Variants in WDR25 observed in about 807,000 individuals in gnomAD.
WDR25 encodes WD repeat-containing protein 25.
In WDR25, 35 loss-of-function variants were observed where a neutral mutation model predicts 47.7. The observed-to-expected ratio is 0.73, with a 90% confidence interval of 0.56 to 0.97. The LOEUF (loss-of-function observed/expected upper bound fraction) is 0.97. Among genes scored for constraint, WDR25 ranks in the 50% least tolerant of loss-of-function variants. The pLI, the probability that WDR25 is intolerant of heterozygous loss-of-function variation, is 0.00. For missense variants in WDR25, 634 were observed against 704.7 expected (o/e 0.90, Z 1.14); for synonymous variants, 248 against 278.9 (o/e 0.89, Z 1.10).
At chr14:100,436,369 A>T (rs1363304047) in intron 2 of WDR25, among the ~76,000 whole-genome samples, 1 of 152,130 alleles carries the variant, frequency 6.6e-6, no homozygotes, top group Non-Finnish European at 1.5e-5. Context: ...TTGGGAAAGG[A>T]GTTCAGTTTG....
intron 2 of WDR25, among the ~76,000 whole-genome samples, chr14:100,387,014 G>T (rs1010410923): frequency 6.6e-6 from 1 of 151,850 alleles, no homozygotes; most frequent in African/African-American, 2.4e-5. Context: ...TGTACTCCTT[G>T]GCTCCCATGC....
intron 2 of WDR25, among the ~76,000 whole-genome samples, chr14:100,411,501 A>G (rs1474041048): frequency 6.6e-6 from 1 of 150,982 alleles, no homozygotes; most frequent in South Asian, 2.1e-4. Context: ...TGCCACCCTC[A>G]TGGTCTGTTC....
intron 2 of WDR25, among the ~76,000 whole-genome samples, chr14:100,391,223 G>C (rs539088535): frequency 6.6e-6 from 1 of 152,118 alleles, no homozygotes; most frequent in Admixed American, 6.5e-5. Context: ...CCCACCCTGA[G>C]ATCTGATAAA....
At position 100,525,917 on chromosome 14, in the gene WDR25, G is replaced by A. The variant is rs762606507; in HGVS notation, c.1149G>A (p.Leu383=). The change falls in exon 5 of 7, where the codon CTG becomes CTA. Residue 383 remains leucine (L), a synonymous_variant. Coordinates refer to ENST00000402312, the MANE Select transcript of WDR25 (RefSeq NM_001161476.3). This position sits in a 1 kb window ranked among gnomAD's most constrained non-coding sequence, Gnocchi z 4.6. ...CCATCCAGCAGACCTTGGACATCCT[G>A]TTCCTCCGGGAAGGCTCCGAGTTCC... The part of the protein sequence containing the change: ...KATIQQTLDI[L]FLREGSEFLS... 6.2e-7 allele frequency: 1 copy of A among 1,613,968 alleles called. No homozygotes were observed.
At chr14:100,386,777 C>T (rs565555838) in intron 2 of WDR25, among the ~76,000 whole-genome samples, 8 of 152,176 alleles carry the variant, frequency 5.3e-5, no homozygotes, top group African/African-American at 1.2e-4. Context: ...GCTGTAGTCC[C>T]AGCTGCTCGG....
chr14:100,454,357 TA>T, intron 2 of WDR25: 1 of 1,285,994 alleles, frequency 7.8e-7, no homozygotes, highest in Non-Finnish European at 1.0e-6. Flanking sequence ...GGAGTATGTG[TA>T]TGGCAGGTGT....
At chr14:100,479,657 C>A (rs1289702435) in intron 3 of WDR25, among the ~76,000 whole-genome samples, 2 of 152,136 alleles carry the variant, frequency 1.3e-5, no homozygotes, top group South Asian at 2.1e-4. Context: ...ACCCCTAGAA[C>A]AATTCATTTC....
chr14:100,501,054 C>T (rs1005981923), intron 4 of WDR25, among the ~76,000 whole-genome samples: 3 of 152,114 alleles, frequency 2.0e-5, no homozygotes, highest in Non-Finnish European at 2.9e-5. Flanking sequence ...CTGTGTGCAC[C>T]GGGCGACCTG....
chr14:100,395,231 G>A (rs920403794), intron 2 of WDR25, among the ~76,000 whole-genome samples: 13 of 152,100 alleles, frequency 8.5e-5, no homozygotes, highest in Admixed American at 8.5e-4. Context: ...GTCTTATTTC[G>A]GTGTTCAGTC....
At chr14:100,519,513 A>G (rs2140378773) in intron 4 of WDR25, among the ~76,000 whole-genome samples, 1 of 151,632 alleles carries the variant, frequency 6.6e-6, no homozygotes, top group East Asian at 1.9e-4. Flanking sequence ...TGGATCATAT[A>G]TGTATATATG....
chr14:100,388,051 G>A (rs1897057443), intron 2 of WDR25, among the ~76,000 whole-genome samples: 1 of 152,192 alleles, frequency 6.6e-6, no homozygotes, highest in African/African-American at 2.4e-5. Context: ...CAGAGTGAGG[G>A]TTTATTTCAG....
At chr14:100,446,992 T>G (rs1013338873) in intron 2 of WDR25, among the ~76,000 whole-genome samples, 4 of 152,374 alleles carry the variant, frequency 2.6e-5, no homozygotes, top group Non-Finnish European at 5.9e-5. Flanking sequence ...TTCTTAATCC[T>G]TTAGAATCAC....
chr14:100,390,426 T>TGTGTGTGTGCGC (rs1413707045), intron 2 of WDR25, among the ~76,000 whole-genome samples: 12 of 150,596 alleles, frequency 8.0e-5, no homozygotes, highest in Non-Finnish European at 1.3e-4. Flanking sequence ...TGTGTGTGTG[T>TGTGTGTGTGCGC]GCATGCACAC....
intron 4 of WDR25, among the ~76,000 whole-genome samples, chr14:100,516,055 T>C (rs1014405547): frequency 2.8e-4 from 42 of 152,262 alleles, no homozygotes; most frequent in Middle Eastern, 3.4e-3. Flanking sequence ...TAACTTTTGA[T>C]TGGATGCCAG....
intron 4 of WDR25, among the ~76,000 whole-genome samples, chr14:100,521,916 G>A (rs1268459325): frequency 6.6e-6 from 1 of 152,174 alleles, no homozygotes; most frequent in Non-Finnish European, 1.5e-5. Context: ...CACCCCCAGA[G>A]CCACCTAACA....
At chr14:100,376,565 C>T in intron 1 of WDR25, 70 bp downstream of exon 1, 1 of 1,231,872 alleles carries the variant, frequency 8.1e-7, no homozygotes, top group Non-Finnish European at 1.0e-6. Flanking sequence ...GCGCCCCGTG[C>T]CGCTTAACGC....
intron 2 of WDR25, among the ~76,000 whole-genome samples, chr14:100,431,591 G>C (rs1898336880): frequency 6.6e-6 from 1 of 151,352 alleles, no homozygotes; most frequent in South Asian, 2.1e-4. Flanking sequence ...CTGTTGCCCA[G>C]GCTGGAGTGC....
intron 2 of WDR25, among the ~76,000 whole-genome samples, chr14:100,399,342 G>T (rs1246498073): frequency 6.6e-6 from 1 of 152,144 alleles, no homozygotes; most frequent in African/African-American, 2.4e-5. Context: ...TCCGACAAAA[G>T]TCCCAGCCTA....
intron 4 of WDR25, among the ~76,000 whole-genome samples, chr14:100,515,352 T>A (rs971796936): frequency 6.6e-6 from 1 of 152,048 alleles, no homozygotes; most frequent in African/African-American, 2.4e-5. Flanking sequence ...CCACCCCTCA[T>A]CTCCCTGTCT....
Sources: allele counts gnomAD v4.1 joint callset (sites outside exome capture counted in the v4.1 genomes callset), GRCh38; gene constraint gnomAD v4.1.1; non-coding constraint Gnocchi (gnomAD v3.1); transcripts MANE v1.5; gene names NCBI Gene and HGNC (gene_info 2026-07-23, HGNC 2026-07-21).